The following TMEM245 variants were observed in gnomAD, a reference collection of about 807,000 sequenced individuals.
TMEM245 encodes transmembrane protein 245, also known as protein CG-2.
Under a neutral mutation model 101.2 loss-of-function variants are expected in TMEM245, and 69 were observed. The observed-to-expected ratio is 0.68, with a 90% CI of 0.56 to 0.83. The LOEUF (loss-of-function observed/expected upper bound fraction) is 0.83, where lower values mean the gene tolerates loss of function less well. Among genes scored for constraint, TMEM245 ranks in the 40% least tolerant of loss-of-function variants. The probability of loss-of-function intolerance (pLI) is 0.00; values close to 1 mark genes in which losing one functional copy is unlikely to be tolerated. For synonymous variants in TMEM245, 537 were observed against 449.8 expected, an observed-to-expected ratio of 1.19 and a Z score of -2.45; for missense variants, 1,075 against 1,092.8, an observed-to-expected ratio of 0.98 and a Z score of 0.23.
chr9:109,028,952 G>A lies in TMEM245; in HGVS notation c.2594+4355C>T, dbSNP rs1346652641. On this transcript the variant is annotated intron_variant, in intron 17 of 17. Transcript: ENST00000374586. The stretch of plus-strand genomic sequence containing the variant: ...CCAACCAAGTTTTGCCTGAACTCCC[G>A]ACCCACAGAAGCTGTATCGTAAATG... Among the ~76,000 whole-genome samples the A allele has an allele frequency of 3.9e-5, 6 of 152,196 alleles. No homozygotes were observed. In the South Asian group the frequency reaches 8.3e-4, roughly 21 times the overall value.
At chr9:109,098,916 A>C (rs1830212236) in intron 3 of TMEM245, among the ~76,000 whole-genome samples, 1 of 152,244 alleles carries the variant, frequency 6.6e-6, no homozygotes, top group African/African-American at 2.4e-5. Flanking sequence ...CACAGGTCAG[A>C]CAGTGTCTGT....
intron 14 of TMEM245, among the ~76,000 whole-genome samples, chr9:109,043,650 A>G (rs1828385164): frequency 6.6e-6 from 1 of 152,160 alleles, no homozygotes; most frequent in South Asian, 2.1e-4. Flanking sequence ...TTGGTAGCTC[A>G]GATGGACGTG....
chr9:109,090,967 A>C lies in TMEM245; in HGVS notation c.1105T>G (p.Trp369Gly). ...AACTGCACAATCCACAGGTTCAACC[A>C]GATCTGCATGACGACAATGGCCCAA... ...LVWAIVVMQI[W>G]LNLWIVQLLP... Residue 369 changes from tryptophan to glycine, a missense_variant, in exon 5 of 18, where the codon TGG (tryptophan) becomes GGG (glycine). By Grantham distance (184) the Trp-to-Gly change is radical (BLOSUM62 -2). Transcript: ENST00000374586. The C allele has an allele frequency of 6.2e-7, 1 of 1,614,234 alleles. No homozygotes were observed. Among genetic ancestry groups the C allele is most frequent in the Non-Finnish European group, 8.5e-7 (1 of 1,180,048 alleles).
intron 12 of TMEM245, among the ~76,000 whole-genome samples, chr9:109,056,657 C>A (rs1185893038): frequency 6.6e-6 from 1 of 151,924 alleles, no homozygotes; most frequent in Non-Finnish European, 1.5e-5. Flanking sequence ...CACGGCAAAC[C>A]TCAATTTTTG....
chr9:109,041,967 T>C (rs1056179562), intron 14 of TMEM245, among the ~76,000 whole-genome samples: 1 of 152,092 alleles, frequency 6.6e-6, no homozygotes, highest in Non-Finnish European at 1.5e-5. Context: ...CCGTCTCTAC[T>C]ATAACCACAA....
At chr9:109,073,865 T>TG (rs1007630241) in intron 8 of TMEM245, among the ~76,000 whole-genome samples, 24 of 148,572 alleles carry the variant, frequency 1.6e-4, no homozygotes, top group South Asian at 4.3e-4. Context: ...TGTTTTTTTT[T>TG]TTTTTTTTTT....
chr9:109,036,279 C>T lies in TMEM245; in HGVS notation c.2326G>A (p.Ala776Thr), dbSNP rs753399513. ...LWLTQGLGCK[A>T]ILLLIFHLLP... Reference sequence around the variant, plus strand: ...AGATGAAAAATCAACAGTAAAATGGCCTTGCATCCTAACCCTTGTGTCAGC... The same window carrying T: ...AGATGAAAAATCAACAGTAAAATGGTCTTGCATCCTAACCCTTGTGTCAGC... Residue 776 changes from alanine (A) to threonine (T), a missense_variant, in exon 16 of 18, where the codon GCC becomes ACC. By Grantham distance (58) the Ala-to-Thr change is moderately conservative (BLOSUM62 0). This residue lies in a region of TMEM245 where 267 missense variants were observed against 351.3 expected (regional missense o/e 0.76). Transcript: ENST00000374586. 7.4e-6 allele frequency: 12 copies of T among 1,613,714 alleles called. No individual in the cohort carries two copies. Among genetic ancestry groups the T allele is most frequent in the African/African-American group, 2.7e-5 (2 of 74,876 alleles).
intron 17 of TMEM245, 62 bp downstream of exon 17, chr9:109,033,245 A>G: frequency 6.9e-7 from 1 of 1,444,418 alleles, no homozygotes; most frequent in South Asian, 1.6e-5. Context: ...CTACTTATCA[A>G]ATACAGAGAC....
intron 12 of TMEM245, among the ~76,000 whole-genome samples, chr9:109,055,125 T>C (rs962107310): frequency 7.2e-5 from 11 of 152,232 alleles, no homozygotes; most frequent in Admixed American, 6.5e-4. Context: ...TCTATCTTAA[T>C]ATGATTCAAC....
chr9:109,104,205 A>G (rs1012286964), intron 3 of TMEM245, among the ~76,000 whole-genome samples: 1 of 152,252 alleles, frequency 6.6e-6, no homozygotes, highest in Non-Finnish European at 1.5e-5. Context: ...TGGATTATTT[A>G]TAACAAAGGA....
At chr9:109,032,525 C>T (rs1432529634) in intron 17 of TMEM245, among the ~76,000 whole-genome samples, 1 of 151,420 alleles carries the variant, frequency 6.6e-6, no homozygotes, top group Non-Finnish European at 1.5e-5. Flanking sequence ...GCTGGGATTA[C>T]AGGCACCTGC....
chr9:109,073,616 C>T (rs1829399893), intron 8 of TMEM245, among the ~76,000 whole-genome samples, 178 bp from the exon 9 acceptor site: 1 of 152,168 alleles, frequency 6.6e-6, no homozygotes, highest in Non-Finnish European at 1.5e-5. Flanking sequence ...TAATGATACG[C>T]ACTACGGGAA....
intron 7 of TMEM245, among the ~76,000 whole-genome samples, chr9:109,083,917 A>AAAAAAAAAAAC (rs1564197299): frequency 2.2e-5 from 3 of 136,462 alleles, no homozygotes; most frequent in East Asian, 4.4e-4. Flanking sequence ...AAAAAAAAAA[A>AAAAAAAAAAAC]AAAAAAAAAA....
intron 9 of TMEM245, among the ~76,000 whole-genome samples, chr9:109,065,454 G>A (rs933446342): frequency 1.3e-5 from 2 of 152,138 alleles, no homozygotes; most frequent in Admixed American, 6.5e-5. Flanking sequence ...CAGAAAGAAT[G>A]CAGGAAATGA....
chr9:109,067,437 C>G (rs1829203352), intron 9 of TMEM245, among the ~76,000 whole-genome samples: 1 of 152,206 alleles, frequency 6.6e-6, no homozygotes, highest in Non-Finnish European at 1.5e-5. Context: ...CAATGCCCTA[C>G]AGTTTAGACT....
At position 109,099,757 on chromosome 9, in the gene TMEM245, A is replaced by T. The variant is rs1013293685; in HGVS notation, c.800-6166T>A. ...ATACTGAACGTGGATTCCAGGTGCT[A>T]TGGTTTGAGTGTTTGTGCTCCAAAA... On this transcript the variant is annotated intron_variant, in intron 3 of 17. Coordinates refer to ENST00000374586, the MANE Select transcript of TMEM245 (RefSeq NM_032012.4). Among the ~76,000 whole-genome samples, 5 of 152,262 alleles carry T rather than the reference A, an allele frequency of 3.3e-5. No individual in the cohort carries two copies. The East Asian group carries it at 9.6e-4, about 29-fold the overall frequency.
At chr9:109,113,906 A>G (rs1830637698) in intron 1 of TMEM245, among the ~76,000 whole-genome samples, 2 of 152,302 alleles carry the variant, frequency 1.3e-5, no homozygotes, top group South Asian at 4.1e-4. Context: ...TCTGGCCAAC[A>G]TGGTGGAACC....
intron 1 of TMEM245, among the ~76,000 whole-genome samples, chr9:109,115,998 A>T (rs1202743910): frequency 6.6e-6 from 1 of 152,212 alleles, no homozygotes; most frequent in Non-Finnish European, 1.5e-5. Context: ...GTTTTCTCAC[A>T]TATGAAATCC....
rs761229420 is a variant in TMEM245 at position 109,080,941 on chromosome 9, C to G, written c.1347G>C (p.Met449Ile). The change falls in exon 8 of 18, where the codon ATG (methionine) becomes ATC (isoleucine). Residue 449 changes from methionine (M) to isoleucine (I), a missense_variant and splice_region_variant. Around this residue, in one of 2 missense-constraint regions of TMEM245, gnomAD observed 808 missense variants for 741.5 expected, o/e 1.09. Coordinates refer to ENST00000374586, the MANE Select transcript of TMEM245 (RefSeq NM_032012.4). ...SKLWHWLNKKMIIWLEKMLDK... is the reference protein window; with the variant it reads ...SKLWHWLNKKIIIWLEKMLDK... ...CTAACATCTTCTCCAACCAGATGAT[C>G]ATCTGCACAAAAACGAAAAAGAGAA... The G allele has an allele frequency of 6.3e-7, 1 of 1,582,590 alleles. No individual in the cohort carries two copies. The highest frequency in any genetic ancestry group is 2.2e-5 in the East Asian group (1 of 44,562).
Sources: allele counts gnomAD v4.1 joint callset (sites outside exome capture counted in the v4.1 genomes callset), GRCh38; gene constraint gnomAD v4.1.1; regional missense constraint gnomAD v4.1.1; transcripts MANE v1.5; gene names NCBI Gene and HGNC (gene_info 2026-07-23, HGNC 2026-07-21).